Variants in IL36B observed in about 807,000 individuals in gnomAD.
IL36B encodes interleukin-36 beta.
In IL36B, 23 loss-of-function variants were observed where a neutral mutation model predicts 19.3. The ratio of observed to expected loss-of-function variants is 1.19; its 90% CI spans 0.86 to 1.69. IL36B has a LOEUF of 1.69. IL36B is among the 40% of genes most tolerant of loss of function. The pLI, the probability that IL36B is intolerant of heterozygous loss-of-function variation, is 0.00. For missense variants in IL36B, 217 were observed against 200.5 expected, an observed-to-expected ratio of 1.08 and a Z score of -0.50; for synonymous variants, 59 against 59.7, an observed-to-expected ratio of 0.99 and a Z score of 0.05.
At chr2:113,045,791 T>A (rs1325187789) in intron 1 of IL36B, among the ~76,000 whole-genome samples, 1 of 152,220 alleles carries the variant, frequency 6.6e-6, no homozygotes, top group Admixed American at 6.5e-5. Flanking sequence ...AGTTTTTACA[T>A]CTTGGAGTTT....
chr2:113,028,205 G>C, intron 4 of IL36B, 90 bp from the exon 5 acceptor site: 1 of 1,012,992 alleles, frequency 9.9e-7, no homozygotes, highest in Non-Finnish European at 1.5e-6. Context: ...GAGAGGGACT[G>C]CTGCCCCCAA....
intron 5 of IL36B, among the ~76,000 whole-genome samples, chr2:113,024,982 C>T (rs1043339484): frequency 2.0e-5 from 3 of 152,146 alleles, no homozygotes; most frequent in Non-Finnish European, 4.4e-5. Context: ...GGTGAATTTC[C>T]CTGGGCTCCT....
intron 1 of IL36B, among the ~76,000 whole-genome samples, chr2:113,032,672 C>A (rs1332549804): frequency 6.6e-6 from 1 of 152,164 alleles, no homozygotes; most frequent in Non-Finnish European, 1.5e-5. Context: ...GCAAGAGATG[C>A]TTTTGTCCCT....
In IL36B at chr2:113,031,157, T is replaced by C; in HGVS notation, c.14-2A>G. ...CATAGGATTTGGGTGCTGCCTCCCC[T>C]GCCAGATGACAAAAATGCACAAAAT... On this transcript the variant is annotated splice_acceptor_variant, in intron 2 of 5. Coordinates refer to ENST00000259213, the MANE Select transcript of IL36B (RefSeq NM_014438.5). LOFTEE classifies it high-confidence loss of function. 1 of 1,609,868 alleles carries C rather than the reference T, an allele frequency of 6.2e-7. No homozygotes were observed. Among genetic ancestry groups the C allele is most frequent in the Non-Finnish European group, 8.5e-7 (1 of 1,176,164 alleles).
intron 1 of IL36B, among the ~76,000 whole-genome samples, chr2:113,044,228 T>G (rs942202024): frequency 2.6e-5 from 4 of 151,896 alleles, no homozygotes; most frequent in African/African-American, 9.7e-5. Flanking sequence ...TATTCTTTAT[T>G]CTGCAATTTA....
chr2:113,042,355 G>A (rs1400727243), intron 1 of IL36B, among the ~76,000 whole-genome samples: 1 of 57,424 alleles, frequency 1.7e-5, no homozygotes, highest in Non-Finnish European at 3.0e-5. Flanking sequence ...CACAATAAAC[G>A]GCGCAAAATA....
At chr2:113,042,998 C>T (rs1685288137) in intron 1 of IL36B, among the ~76,000 whole-genome samples, 1 of 151,934 alleles carries the variant, frequency 6.6e-6, no homozygotes, top group Admixed American at 6.6e-5. Context: ...TAGCTCATTG[C>T]TATTTTATTT....
rs745985629 is a variant in IL36B, at chr2:113,031,165, G to A, written c.14-10C>T. Reference sequence around the variant, plus strand: ...TTGGGTGCTGCCTCCCCTGCCAGATGACAAAAATGCACAAAATACACGTGA... The same window carrying A: ...TTGGGTGCTGCCTCCCCTGCCAGATAACAAAAATGCACAAAATACACGTGA... On this transcript the variant is annotated splice_polypyrimidine_tract_variant and intron_variant, in intron 2 of 5. Coordinates refer to ENST00000259213, the MANE Select transcript of IL36B (RefSeq NM_014438.5). The A allele has an allele frequency of 6.3e-7, 1 of 1,591,612 alleles. No individual in the cohort carries two copies. The highest frequency in any genetic ancestry group is 8.6e-7 in the Non-Finnish European group (1 of 1,159,466).
intron 5 of IL36B, among the ~76,000 whole-genome samples, chr2:113,024,881 C>T (rs1265986458): frequency 2.0e-5 from 3 of 152,208 alleles, no homozygotes; most frequent in Non-Finnish European, 4.4e-5. Flanking sequence ...CTATGTACTA[C>T]GTATCCAAGT....
chr2:113,035,598 A>G (rs1685152697), intron 1 of IL36B, among the ~76,000 whole-genome samples: 1 of 152,232 alleles, frequency 6.6e-6, no homozygotes, highest in Admixed American at 6.5e-5. Context: ...GCAAGTGAAT[A>G]TAGCAACATC....
chr2:113,051,035 C>T (rs1055363076), intron 1 of IL36B, among the ~76,000 whole-genome samples: 2 of 151,880 alleles, frequency 1.3e-5, no homozygotes, highest in East Asian at 3.9e-4. Flanking sequence ...TGCCTCTCAG[C>T]GTGGCCTCCC....
chr2:113,025,739 G>A (rs186827252), intron 5 of IL36B, among the ~76,000 whole-genome samples: 282 of 152,324 alleles, frequency 1.9e-3, no homozygotes, highest in Non-Finnish European at 3.4e-3. Context: ...GGAAGTGTTT[G>A]AGATGTGTGC....
intron 1 of IL36B, among the ~76,000 whole-genome samples, chr2:113,048,399 G>A (rs1468700022): frequency 9.2e-5 from 14 of 152,166 alleles, no homozygotes; most frequent in Admixed American, 4.6e-4. Context: ...CTGAGATCTC[G>A]CCACTGCTCT....
At position 113,046,460 on chromosome 2, in the gene IL36B, C is replaced by T. The variant is rs34770561; in HGVS notation, c.-58+6357G>A. On this transcript the variant is annotated intron_variant, in intron 1 of 5. Transcript: ENST00000259213. Reference sequence around the variant, plus strand: ...TCCTGACCTCGTGATCCGCCCACCTCGGCCCCCAAAGTGTTGGGATTACAG... The same window carrying T: ...TCCTGACCTCGTGATCCGCCCACCTTGGCCCCCAAAGTGTTGGGATTACAG... Among the ~76,000 whole-genome samples the T allele has an allele frequency of 6.3e-3, 956 of 152,166 alleles. 11 individuals are homozygous for T. The highest frequency in any genetic ancestry group is 0.022 in the African/African-American group (905 of 41,552).
At chr2:113,035,453 G>T (rs1685149901) in intron 1 of IL36B, among the ~76,000 whole-genome samples, 1 of 152,072 alleles carries the variant, frequency 6.6e-6, no homozygotes, top group Non-Finnish European at 1.5e-5. Context: ...AGCACTGGTA[G>T]GGGTACATGA....
At chr2:113,051,729 CTG>C (rs1685450403) in intron 1 of IL36B, among the ~76,000 whole-genome samples, 1 of 152,320 alleles carries the variant, frequency 6.6e-6, no homozygotes, top group East Asian at 1.9e-4. Context: ...CTGGATGCAG[CTG>C]GAGGTCCCCT....
rs781447482 is a variant in IL36B, at chr2:113,031,748, T to G, written c.-39A>C. On this transcript the variant is annotated 5_prime_UTR_variant, in exon 2 of 6. Transcript: ENST00000259213. ...CCTTTTGTGAAGAGAACAAGATAGA[T>G]CAGATGGTGGTGAGGAGGCTGTTAA... 6.4e-7 allele frequency: 1 copy of G among 1,563,132 alleles called. No homozygotes were observed.
intron 1 of IL36B, among the ~76,000 whole-genome samples, chr2:113,050,686 G>A (rs1287532928): frequency 2.6e-5 from 4 of 151,998 alleles, no homozygotes; most frequent in African/African-American, 4.8e-5. Flanking sequence ...GACATCTATC[G>A]AATAAATAAG....
intron 1 of IL36B, among the ~76,000 whole-genome samples, chr2:113,040,430 C>T (rs1200422825): frequency 1.3e-5 from 2 of 152,106 alleles, no homozygotes; most frequent in African/African-American, 4.8e-5. Context: ...TAAAAATACA[C>T]AAGAAATAGA....
Sources: gnomAD v4.1 joint callset for allele counts (sites outside exome capture counted in the v4.1 genomes callset) on GRCh38, gnomAD v4.1.1 for gene constraint, MANE v1.5 for transcripts, NCBI Gene and HGNC (gene_info 2026-07-23, HGNC 2026-07-21) for gene names.